BZW2: variants seen among roughly 807,000 people sequenced by gnomAD.
BZW2 encodes basic leucine zipper and W2 domains 2.
A neutral mutation model predicts 53.2 loss-of-function variants in BZW2; 23 were observed. The observed-to-expected ratio is 0.43, with a 90% CI of 0.31 to 0.61. The LOEUF (loss-of-function observed/expected upper bound fraction) is 0.61, where lower values mean the gene tolerates loss of function less well. Ranked by LOEUF, BZW2 falls within the 20% of genes least tolerant of loss-of-function variation. BZW2 has a pLI of 0.09. For missense variants in BZW2, 409 were observed against 503.1 expected, an observed-to-expected ratio of 0.81 and a Z score of 1.79; for synonymous variants, 227 against 186.4, an observed-to-expected ratio of 1.22 and a Z score of -1.77.
intron 1 of BZW2, among the ~76,000 whole-genome samples, chr7:16,650,315 T>G (rs1319022120): frequency 6.6e-6 from 1 of 152,194 alleles, no homozygotes; most frequent in Non-Finnish European, 1.5e-5. Flanking sequence ...CAGATACATT[T>G]AGTTTAACTG....
At chr7:16,691,114 TTG>T (rs1415330139) in intron 7 of BZW2, among the ~76,000 whole-genome samples, 1 of 152,178 alleles carries the variant, frequency 6.6e-6, no homozygotes, top group Non-Finnish European at 1.5e-5. Flanking sequence ...TTAAATAGAT[TTG>T]TGTGTTTAAA....
chr7:16,702,326 G>T (rs1783691456), intron 10 of BZW2, among the ~76,000 whole-genome samples: 1 of 152,062 alleles, frequency 6.6e-6, no homozygotes, highest in Admixed American at 6.6e-5. Context: ...AGATACTTCA[G>T]TAGCTTTTAA....
At chr7:16,685,437 C>CT (rs915061142) in intron 5 of BZW2, among the ~76,000 whole-genome samples, 13 of 149,316 alleles carry the variant, frequency 8.7e-5, no homozygotes, top group Non-Finnish European at 1.3e-4. Flanking sequence ...TTGTGTGGGG[C>CT]TTTTTTTTGT....
At chr7:16,674,836 G>C (rs1236206429) in intron 3 of BZW2, among the ~76,000 whole-genome samples, 1 of 152,090 alleles carries the variant, frequency 6.6e-6, no homozygotes, top group Non-Finnish European at 1.5e-5. Context: ...TGGCCACTTT[G>C]CTTCTCCTAA....
intron 11 of BZW2, among the ~76,000 whole-genome samples, chr7:16,705,196 A>G (rs775742929): frequency 4.3e-4 from 65 of 152,024 alleles, no homozygotes; most frequent in Non-Finnish European, 9.4e-4. Flanking sequence ...GTCTCTATTA[A>G]AAACACAAAA....
intron 1 of BZW2, among the ~76,000 whole-genome samples, chr7:16,661,512 G>A (rs1782260562): frequency 6.6e-6 from 1 of 152,116 alleles, no homozygotes; most frequent in African/African-American, 2.4e-5. Context: ...ACAGACTGAG[G>A]TAGGTAACAG....
intron 3 of BZW2, among the ~76,000 whole-genome samples, chr7:16,680,413 G>A (rs76777739): frequency 1.3e-5 from 2 of 152,310 alleles, no homozygotes; most frequent in South Asian, 2.1e-4. Context: ...CAGACTTATA[G>A]TGACAGGATG....
At chr7:16,697,862 C>A in intron 9 of BZW2, 186 bp from the exon 10 acceptor site, 1 of 612,326 alleles carries the variant, frequency 1.6e-6, no homozygotes, top group Non-Finnish European at 2.7e-6. Context: ...CACAGGTCGA[C>A]TATACTGCTT....
At chr7:16,691,984 G>A (rs780435812) in intron 7 of BZW2, among the ~76,000 whole-genome samples, 8 of 152,122 alleles carry the variant, frequency 5.3e-5, no homozygotes, top group Non-Finnish European at 7.4e-5. Flanking sequence ...TGAGAACAGC[G>A]TAGTTGCCTA....
chr7:16,699,237 T>C (rs1007069153), intron 10 of BZW2, among the ~76,000 whole-genome samples: 1 of 152,122 alleles, frequency 6.6e-6, no homozygotes, highest in African/African-American at 2.4e-5. Context: ...AGTTCAGTAA[T>C]TGGTATTTTC....
At chr7:16,680,713 AG>A (rs1166658445) in intron 3 of BZW2, among the ~76,000 whole-genome samples, 1 of 152,114 alleles carries the variant, frequency 6.6e-6, no homozygotes, top group Non-Finnish European at 1.5e-5. Context: ...AGGCTGAGGC[AG>A]GAGGATCACT....
At chr7:16,693,746 G>A (rs1350857144) in intron 7 of BZW2, among the ~76,000 whole-genome samples, 2 of 152,224 alleles carry the variant, frequency 1.3e-5, no homozygotes, top group Non-Finnish European at 1.5e-5. Context: ...CAGTTTCAGT[G>A]TGGTATAAAA....
At chr7:16,653,507 A>G (rs818587) in intron 1 of BZW2, among the ~76,000 whole-genome samples, 105,434 of 151,716 alleles carry the variant, frequency 0.69, 37,656 homozygotes, top group African/African-American at 0.87. Flanking sequence ...GGTTCTCCTC[A>G]CCTCAGTTAG....
chr7:16,654,281 A>C (rs1782065423), intron 1 of BZW2, among the ~76,000 whole-genome samples: 1 of 151,680 alleles, frequency 6.6e-6, no homozygotes, highest in South Asian at 2.1e-4. Flanking sequence ...CTAAGCTTAA[A>C]ATTATAATAT....
chr7:16,698,317 A>C (rs1006363894), intron 10 of BZW2, 131 bp downstream of exon 10: 1 of 1,245,652 alleles, frequency 8.0e-7, no homozygotes, highest in African/African-American at 1.5e-5. Flanking sequence ...AATTTGTGAA[A>C]GTTTTATTGA....
chr7:16,691,280 C>T (rs1306451491), intron 7 of BZW2, among the ~76,000 whole-genome samples: 2 of 152,140 alleles, frequency 1.3e-5, no homozygotes, highest in Non-Finnish European at 2.9e-5. Flanking sequence ...TGCCTGCCCT[C>T]GTGAAACCTA....
At chr7:16,673,527 A>T (rs1782673678) in intron 2 of BZW2, among the ~76,000 whole-genome samples, 1 of 151,482 alleles carries the variant, frequency 6.6e-6, no homozygotes, top group South Asian at 2.1e-4. Context: ...CTTCTCACTA[A>T]TTTTTTTTTG....
Position 16,665,514 on chromosome 7 carries a change from T to TGC in BZW2, c.58+14_58+15insCG, listed in dbSNP as rs1035459915. 1 of 1,610,648 alleles carries TGC rather than the reference T, an allele frequency of 6.2e-7. No homozygotes were observed. The highest frequency in any genetic ancestry group is 1.3e-5 in the African/African-American group (1 of 74,696). On this transcript the variant is annotated intron_variant, in intron 2 of 11. Coordinates refer to ENST00000258761, the MANE Select transcript of BZW2 (RefSeq NM_014038.3). Reference sequence around the variant, plus strand: ...ACTCGGAAAAGGGGTAGGTTGTGTGTGTGTGTGTGTGTGTGTTTAAAGTTG... The same window carrying TGC: ...ACTCGGAAAAGGGGTAGGTTGTGTGTGCGTGTGTGTGTGTGTGTTTAAAGTTG...
chr7:16,685,876 C>CTTTTTTTTTTTTTTTTTTTTTTT (rs34699573), intron 5 of BZW2, 29 bp from the exon 6 acceptor site: 182 of 1,294,540 alleles, frequency 1.4e-4, no homozygotes, highest in South Asian at 5.8e-4. Context: ...TTTTCTTTTT[C>CTTTTTTTTTTTTTTTTTTTTTTT]TTTTTTTTTT....
Sources: gnomAD v4.1 joint callset for allele counts (sites outside exome capture counted in the v4.1 genomes callset) on GRCh38, gnomAD v4.1.1 for gene constraint, MANE v1.5 for transcripts, NCBI Gene and HGNC (gene_info 2026-07-23, HGNC 2026-07-21) for gene names.